B4GALT1: variants seen among roughly 807,000 people sequenced by gnomAD.
B4GALT1 encodes N-acetyllactosamine synthase.
In B4GALT1, 16 loss-of-function variants were observed where a neutral mutation model predicts 34.9. The ratio of observed to expected loss-of-function variants is 0.46; its 90% CI spans 0.31 to 0.70. The LOEUF (loss-of-function observed/expected upper bound fraction) is 0.70. Among genes scored for constraint, B4GALT1 ranks in the 30% least tolerant of loss-of-function variants. The probability of loss-of-function intolerance (pLI) is 0.05; values close to 1 mark genes in which losing one functional copy is unlikely to be tolerated. For missense variants in B4GALT1, 445 were observed against 530.5 expected, an observed-to-expected ratio of 0.84 and a Z score of 1.58; for synonymous variants, 221 against 218.1, an observed-to-expected ratio of 1.01 and a Z score of -0.12.
At position 33,167,232 on chromosome 9, in the gene B4GALT1, C is replaced by G. The variant is rs1840777768; in HGVS notation, c.-63G>C. On this transcript the variant is annotated 5_prime_UTR_variant, in exon 1 of 6. Coordinates refer to ENST00000379731, the MANE Select transcript of B4GALT1 (RefSeq NM_001497.4). ...GAGGGGAGGCGACCCGCCCGCGGGC[C>G]GCCCGCCAGGCGCTGCCCCACAGCG... The G allele has an allele frequency of 6.9e-7, 1 of 1,454,650 alleles. No individual in the cohort carries two copies. Among genetic ancestry groups the G allele is most frequent in the East Asian group, 2.6e-5 (1 of 38,736 alleles). 90.1% of individuals were successfully genotyped at this position (1,454,650 alleles called of 1,614,324 possible).
chr9:33,126,646 TATTGTTAACC>T (rs1263776749), intron 2 of B4GALT1, among the ~76,000 whole-genome samples: 1 of 152,206 alleles, frequency 6.6e-6, no homozygotes, highest in East Asian at 1.9e-4. Flanking sequence ...CATTGTTAAC[TATTGTTAACC>T]ATAGCAATAT....
intron 2 of B4GALT1, among the ~76,000 whole-genome samples, chr9:33,124,279 C>T (rs1380245232): frequency 2.6e-5 from 4 of 152,260 alleles, no homozygotes; most frequent in African/African-American, 9.6e-5. Flanking sequence ...ACTGAGCACA[C>T]TCATCGGTAC....
chr9:33,184,253 TACACACAC>T, the B4GALT1 span, among the ~76,000 whole-genome samples: 29 of 147,228 alleles, frequency 2.0e-4, no homozygotes, highest in East Asian at 2.0e-3. Flanking sequence ...GTCACTCTTG[TACACACAC>T]ACACACACAC....
intron 1 of B4GALT1, among the ~76,000 whole-genome samples, chr9:33,163,370 T>C (rs1840702684): frequency 6.6e-6 from 1 of 152,142 alleles, no homozygotes; most frequent in Non-Finnish European, 1.5e-5. Context: ...CAAGTGCCCA[T>C]CTCTAGATCA....
At chr9:33,164,924 A>C (rs545148053) in intron 1 of B4GALT1, among the ~76,000 whole-genome samples, 1 of 151,644 alleles carries the variant, frequency 6.6e-6, no homozygotes, top group Non-Finnish European at 1.5e-5. Flanking sequence ...GATCCTAAGC[A>C]AATATTATTA....
chr9:33,146,501 C>T (rs1255604587), intron 1 of B4GALT1, among the ~76,000 whole-genome samples: 1 of 152,130 alleles, frequency 6.6e-6, no homozygotes, highest in Non-Finnish European at 1.5e-5. Context: ...CAATCTGGAG[C>T]CAGTCACTGA....
chr9:33,125,373 G>A (rs1425922085), intron 2 of B4GALT1, among the ~76,000 whole-genome samples: 1 of 152,228 alleles, frequency 6.6e-6, no homozygotes, highest in East Asian at 1.9e-4. Context: ...AGGCTGGGGA[G>A]AAGGGTTAGG....
At chr9:33,181,903 A>G in the B4GALT1 span, among the ~76,000 whole-genome samples, 1 of 151,952 alleles carries the variant, frequency 6.6e-6, no homozygotes, top group African/African-American at 2.4e-5. Context: ...CTGGAGGCTA[A>G]AAGTCCAAAA....
intron 1 of B4GALT1, among the ~76,000 whole-genome samples, chr9:33,156,601 T>G (rs761251137): frequency 4.6e-5 from 7 of 152,224 alleles, no homozygotes; most frequent in Non-Finnish European, 8.8e-5. Flanking sequence ...TTTGGGCTAT[T>G]GTAACAACTT....
intron 1 of B4GALT1, 37 bp downstream of exon 1, chr9:33,166,696 ACCCTGTCGGGGAAATCCGGGGGGGT>A: frequency 6.9e-7 from 1 of 1,448,080 alleles, no homozygotes; most frequent in Non-Finnish European, 9.1e-7. Context: ...TGTCTGGGGG[ACCCTGTCGGGGAAATCCGGGGGGGT>A]CCCAATCCTC....
At chr9:33,173,757 A>G in the B4GALT1 span, among the ~76,000 whole-genome samples, 1 of 152,260 alleles carries the variant, frequency 6.6e-6, no homozygotes, top group Non-Finnish European at 1.5e-5. Context: ...TGCTGATTCC[A>G]GGGACTGGCT....
chr9:33,182,550 G>C, the B4GALT1 span, among the ~76,000 whole-genome samples: 1 of 152,102 alleles, frequency 6.6e-6, no homozygotes, highest in Non-Finnish European at 1.5e-5. Flanking sequence ...ATGTAACCTG[G>C]TGAATTACTC....
At chr9:33,144,875 A>G (rs563934241) in intron 1 of B4GALT1, among the ~76,000 whole-genome samples, 1 of 152,296 alleles carries the variant, frequency 6.6e-6, no homozygotes, top group Admixed American at 6.5e-5. Flanking sequence ...AGCAGCAATC[A>G]TGTATTGACC....
At chr9:33,154,536 C>T (rs1295619668) in intron 1 of B4GALT1, among the ~76,000 whole-genome samples, 1 of 152,184 alleles carries the variant, frequency 6.6e-6, no homozygotes, top group Non-Finnish European at 1.5e-5. Context: ...AACAATGCAT[C>T]TGAAGTATTT....
intron 1 of B4GALT1, among the ~76,000 whole-genome samples, chr9:33,139,475 C>T (rs1840317458): frequency 6.6e-6 from 1 of 152,196 alleles, no homozygotes; most frequent in Non-Finnish European, 1.5e-5. Context: ...AATTTTTTCT[C>T]CACAACTCTA....
At chr9:33,133,203 C>T (rs1840219233) in intron 2 of B4GALT1, among the ~76,000 whole-genome samples, 1 of 152,178 alleles carries the variant, frequency 6.6e-6, no homozygotes, top group Non-Finnish European at 1.5e-5. Flanking sequence ...GCGCCTAGGC[C>T]CAAATATATA....
intron 1 of B4GALT1, among the ~76,000 whole-genome samples, chr9:33,165,969 T>A (rs1790657706): frequency 6.6e-6 from 1 of 152,050 alleles, no homozygotes; most frequent in Admixed American, 6.6e-5. Flanking sequence ...TGTTGACTGG[T>A]TATATTTTAG....
intron 1 of B4GALT1, among the ~76,000 whole-genome samples, chr9:33,164,550 G>T (rs1009563687): frequency 2.0e-5 from 3 of 152,184 alleles, no homozygotes; most frequent in Non-Finnish European, 2.9e-5. Context: ...CCTCCAAAAT[G>T]TTCTTTCTCA....
At position 33,129,648 on chromosome 9, in the gene B4GALT1, G is replaced by A. The variant is rs375780334; in HGVS notation, c.648+5541C>T. Among the ~76,000 whole-genome samples the A allele has an allele frequency of 1.7e-4, 26 of 152,340 alleles. No individual in the cohort carries two copies. The East Asian group carries it at 2.9e-3, about 17-fold the overall frequency. On this transcript the variant is annotated intron_variant, in intron 2 of 5. Transcript: ENST00000379731. ...GGCAGACATGAGGGACTCAGAGTCCGGGGGCTGGGGTGAGGCTGGAACTCA... is the reference window on the plus strand; with the variant it reads ...GGCAGACATGAGGGACTCAGAGTCCAGGGGCTGGGGTGAGGCTGGAACTCA...
Sources: allele counts gnomAD v4.1 joint callset (sites outside exome capture counted in the v4.1 genomes callset), GRCh38; gene constraint gnomAD v4.1.1; transcripts MANE v1.5; gene names NCBI Gene and HGNC (gene_info 2026-07-23, HGNC 2026-07-21).